Variants in GLB1 observed in about 807,000 individuals in gnomAD.
GLB1 encodes galactosidase beta 1.
A neutral mutation model predicts 74.0 loss-of-function variants in GLB1; 56 were observed. That is an observed-to-expected ratio of 0.76 (90% CI 0.61 to 0.94). GLB1 has a LOEUF of 0.94. Ranked by LOEUF, GLB1 falls within the 40% of genes least tolerant of loss-of-function variation. The pLI, the probability that GLB1 is intolerant of heterozygous loss-of-function variation, is 0.00. For missense variants in GLB1, 787 were observed against 845.5 expected (o/e 0.93, Z 0.86); for synonymous variants, 323 against 323.6 (o/e 1.00, Z 0.02).
At position 33,093,388 on chromosome 3, in the gene GLB1, C is replaced by T. The variant is rs771436855; in HGVS notation, c.75+3623G>A. ...TGATTGCCTGTGACGAAGTAGGCAC[C>T]GAGATGTGAATGAAGCTGGCCCAGA... On this transcript the variant is annotated intron_variant, in intron 1 of 15. Transcript: ENST00000307363. This position sits in a 1 kb window ranked among gnomAD's most constrained non-coding sequence, Gnocchi z 6.0. 10 of 1,614,042 alleles carry T rather than the reference C, an allele frequency of 6.2e-6. No homozygotes were observed. Among genetic ancestry groups the T allele is most frequent in the African/African-American group, 1.3e-5 (1 of 74,922 alleles).
chr3:33,018,239 T>A (rs1297579972), intron 13 of GLB1, among the ~76,000 whole-genome samples: 1 of 131,992 alleles, frequency 7.6e-6, no homozygotes, highest in Non-Finnish European at 1.5e-5. Context: ...TGAGCTGTGA[T>A]TGCACCACTG....
the GLB1 span, among the ~76,000 whole-genome samples, chr3:32,976,906 T>C: frequency 2.0e-5 from 3 of 152,200 alleles, no homozygotes; most frequent in African/African-American, 7.2e-5. Flanking sequence ...AGTCAATATA[T>C]TGAGCTTGTG....
At chr3:33,054,181 T>C (rs567331225) in intron 6 of GLB1, among the ~76,000 whole-genome samples, 7 of 152,164 alleles carry the variant, frequency 4.6e-5, no homozygotes, top group Non-Finnish European at 7.3e-5. Flanking sequence ...ATTTTGGACT[T>C]CACCACCTCT....
chr3:32,988,227 G>A, the GLB1 span, among the ~76,000 whole-genome samples: 1 of 147,232 alleles, frequency 6.8e-6, no homozygotes, highest in African/African-American at 2.5e-5. Flanking sequence ...AGACTTTTAA[G>A]GTGCAAAGAC....
chr3:33,056,691 A>G (rs1699237599), intron 6 of GLB1, among the ~76,000 whole-genome samples: 1 of 152,188 alleles, frequency 6.6e-6, no homozygotes, highest in Non-Finnish European at 1.5e-5. Context: ...ATTTTACTAG[A>G]TATACACTAT....
chr3:32,973,548 C>A, the GLB1 span, among the ~76,000 whole-genome samples: 1 of 151,956 alleles, frequency 6.6e-6, no homozygotes, highest in Non-Finnish European at 1.5e-5. Context: ...TTGCCACATT[C>A]GAGACCAGGC....
At chr3:32,977,787 T>C in the GLB1 span, among the ~76,000 whole-genome samples, 1 of 152,176 alleles carries the variant, frequency 6.6e-6, no homozygotes, top group African/African-American at 2.4e-5. Context: ...CCGAGAAGAT[T>C]GACAGCCTCT....
chr3:33,077,748 G>T (rs1484476340), intron 1 of GLB1, among the ~76,000 whole-genome samples: 1 of 150,990 alleles, frequency 6.6e-6, no homozygotes, highest in African/African-American at 2.4e-5. Context: ...GATGAGATGG[G>T]GAAAAATACC....
chr3:33,043,009 T>C (rs144370777), intron 10 of GLB1, among the ~76,000 whole-genome samples: 44 of 152,342 alleles, frequency 2.9e-4, no homozygotes, highest in Admixed American at 1.0e-3. Context: ...ATGGGTTTTA[T>C]TTTTTAAGGA....
At chr3:32,984,886 G>A in the GLB1 span, among the ~76,000 whole-genome samples, 1 of 151,668 alleles carries the variant, frequency 6.6e-6, no homozygotes, top group Non-Finnish European at 1.5e-5. Flanking sequence ...AGGTTGTGGT[G>A]AGCTGAGATC....
intron 5 of GLB1, among the ~76,000 whole-genome samples, chr3:33,061,174 G>A (rs1009027445): frequency 6.6e-6 from 1 of 152,182 alleles, no homozygotes; most frequent in African/African-American, 2.4e-5. Flanking sequence ...ACTTTGGGAG[G>A]CTGAGGCGGG....
chr3:32,978,109 G>A, the GLB1 span, among the ~76,000 whole-genome samples: 1 of 152,192 alleles, frequency 6.6e-6, no homozygotes. Context: ...TGATGGGAGA[G>A]TAGAGGTAAA....
chr3:33,052,103 T>C (rs1475298950), intron 7 of GLB1, 99 bp from the exon 8 acceptor site: 2 of 1,593,076 alleles, frequency 1.3e-6, no homozygotes, highest in Admixed American at 1.7e-5. Flanking sequence ...GTAAAGGGGG[T>C]TGACATGCTG....
At chr3:33,015,034 T>C (rs1697184747) in intron 14 of GLB1, among the ~76,000 whole-genome samples, 1 of 152,134 alleles carries the variant, frequency 6.6e-6, no homozygotes, top group African/African-American at 2.4e-5. Flanking sequence ...CATGCACGTA[T>C]AGTCCCAACT....
intron 10 of GLB1, among the ~76,000 whole-genome samples, chr3:33,040,729 C>T (rs1698465402): frequency 6.6e-6 from 1 of 151,884 alleles, no homozygotes; most frequent in Non-Finnish European, 1.5e-5. Context: ...CAACAAAAGG[C>T]AGAATGAGAC....
chr3:33,095,976 T>G (rs1701007946), intron 1 of GLB1, among the ~76,000 whole-genome samples: 1 of 152,220 alleles, frequency 6.6e-6, no homozygotes, highest in African/African-American at 2.4e-5. Context: ...TTTCAGCAGC[T>G]GTTTTCCAAA....
intron 10 of GLB1, among the ~76,000 whole-genome samples, chr3:33,041,102 G>C (rs1389183731): frequency 1.3e-5 from 2 of 152,194 alleles, no homozygotes; most frequent in East Asian, 1.9e-4. Flanking sequence ...AGACATAATG[G>C]CATAAACTTT....
the GLB1 span, among the ~76,000 whole-genome samples, chr3:32,991,265 C>T: frequency 6.6e-6 from 1 of 152,132 alleles, no homozygotes; most frequent in Non-Finnish European, 1.5e-5. Context: ...CAAAGGGATC[C>T]AATTCACTAA....
intron 2 of GLB1, 86 bp from the exon 3 acceptor site, chr3:33,069,056 T>C (rs2125548995): frequency 2.5e-6 from 4 of 1,607,800 alleles, no homozygotes; most frequent in Non-Finnish European, 3.4e-6. Context: ...TTAGGACTAT[T>C]GCTAACACAT....
Sources: gnomAD v4.1 joint callset for allele counts (sites outside exome capture counted in the v4.1 genomes callset) on GRCh38, gnomAD v4.1.1 for gene constraint, Gnocchi (gnomAD v3.1) non-coding constraint, MANE v1.5 for transcripts, NCBI Gene and HGNC (gene_info 2026-07-23, HGNC 2026-07-21) for gene names.